Variants in CACNA2D1 observed in about 807,000 individuals in gnomAD.
CACNA2D1 encodes the protein voltage-dependent calcium channel subunit alpha-2/delta-1.
A neutral mutation model predicts 171.5 loss-of-function variants in CACNA2D1; 53 were observed. The observed-to-expected ratio is 0.31, with a 90% CI of 0.25 to 0.39. CACNA2D1 has a LOEUF of 0.39. Ranked by LOEUF, CACNA2D1 falls within the 10% of genes least tolerant of loss-of-function variation. CACNA2D1 has a pLI of 1.00. For missense variants in CACNA2D1, 903 were observed against 1,299.8 expected (o/e 0.69, Z 4.69); for synonymous variants, 442 against 443.1 (o/e 1.00, Z 0.03).
intron 38 of CACNA2D1, among the ~76,000 whole-genome samples, chr7:81,954,534 T>C (rs1792995143): frequency 6.6e-6 from 1 of 152,082 alleles, no homozygotes; most frequent in African/African-American, 2.4e-5. Context: ...GAAGTTACTG[T>C]TGCTAAACTC....
chr7:82,205,568 T>C (rs1234009227), intron 3 of CACNA2D1, among the ~76,000 whole-genome samples: 1 of 151,928 alleles, frequency 6.6e-6, no homozygotes, highest in Non-Finnish European at 1.5e-5. Flanking sequence ...AAAATTAGAA[T>C]ACACACACAC....
At chr7:81,969,063 T>C in intron 28 of CACNA2D1, 90 bp from the exon 29 acceptor site, 1 of 805,716 alleles carries the variant, frequency 1.2e-6, no homozygotes. Flanking sequence ...TGGATAGTAT[T>C]TTGCTTAAAA....
intron 3 of CACNA2D1, among the ~76,000 whole-genome samples, chr7:82,255,627 C>A (rs1022462639): frequency 6.6e-6 from 1 of 152,040 alleles, no homozygotes; most frequent in African/African-American, 2.4e-5. Context: ...TGTTTTTGAG[C>A]CTGGAATTAG....
intron 38 of CACNA2D1, among the ~76,000 whole-genome samples, chr7:81,957,955 AT>A (rs1451278410): frequency 2.0e-5 from 3 of 152,120 alleles, no homozygotes; most frequent in Non-Finnish European, 4.4e-5. Context: ...CAAATAGTTG[AT>A]GAGCGAAGTT....
At chr7:82,164,813 AT>A (rs201018113) in intron 4 of CACNA2D1, among the ~76,000 whole-genome samples, 40 of 130,596 alleles carry the variant, frequency 3.1e-4, no homozygotes, top group Non-Finnish European at 4.8e-4. Flanking sequence ...ATGCTTATGT[AT>A]TTTTTTCTTA....
intron 3 of CACNA2D1, among the ~76,000 whole-genome samples, chr7:82,172,848 A>T (rs111320122): frequency 2.7e-5 from 4 of 149,506 alleles, no homozygotes; most frequent in Admixed American, 6.6e-5. Flanking sequence ...CAAAAAAAAA[A>T]TTCTGGAACT....
chr7:82,145,890 GAAC>G, intron 4 of CACNA2D1, among the ~76,000 whole-genome samples: 1 of 137,556 alleles, frequency 7.3e-6, no homozygotes, highest in East Asian at 2.4e-4. Context: ...CTTACTGGAA[GAAC>G]AACAAAAAGC....
intron 10 of CACNA2D1, among the ~76,000 whole-genome samples, chr7:82,055,948 A>ATATAT (rs1554377773): frequency 7.6e-6 from 1 of 131,032 alleles, no homozygotes; most frequent in Non-Finnish European, 1.6e-5. Flanking sequence ...ATATATATAT[A>ATATAT]ATTTTTTAAA....
intron 38 of CACNA2D1, among the ~76,000 whole-genome samples, chr7:81,951,020 G>C (rs1368146076): frequency 6.6e-6 from 1 of 151,946 alleles, no homozygotes; most frequent in African/African-American, 2.4e-5. Context: ...CCTTCATCAA[G>C]AATTAAAGTA....
intron 3 of CACNA2D1, among the ~76,000 whole-genome samples, chr7:82,252,627 C>G (rs912901700): frequency 6.6e-6 from 1 of 152,316 alleles, no homozygotes; most frequent in Middle Eastern, 3.4e-3. Context: ...CGTGGTGGCT[C>G]ACGCCTGTAA....
At chr7:82,085,271 C>T (rs968561580) in intron 6 of CACNA2D1, among the ~76,000 whole-genome samples, 3 of 152,180 alleles carry the variant, frequency 2.0e-5, no homozygotes, top group African/African-American at 7.2e-5. Context: ...ATACTAGTAC[C>T]TCCCCACCCC....
At chr7:81,960,160 T>C (rs1189160558) in intron 36 of CACNA2D1, among the ~76,000 whole-genome samples, 1 of 152,092 alleles carries the variant, frequency 6.6e-6, no homozygotes, top group Non-Finnish European at 1.5e-5. Flanking sequence ...AGAATTGTGA[T>C]GCTTATGCCA....
rs1472392931 is a variant in CACNA2D1 at position 82,175,685 on chromosome 7, A to G, written c.295-5076T>C. Among the ~76,000 whole-genome samples the G allele has an allele frequency of 6.6e-5, 10 of 152,208 alleles. No individual in the cohort carries two copies. In the East Asian group the frequency reaches 1.9e-3, roughly 29 times the overall value. ...ATGAACATGCACTGGTAAATCAGACAGATCTGGTTTCCAATTCTGGTGCTG... is the reference window on the plus strand; with the variant it reads ...ATGAACATGCACTGGTAAATCAGACGGATCTGGTTTCCAATTCTGGTGCTG... On this transcript the variant is annotated intron_variant, in intron 3 of 38. Coordinates refer to ENST00000356860, the MANE Select transcript of CACNA2D1 (RefSeq NM_000722.4).
intron 21 of CACNA2D1, among the ~76,000 whole-genome samples, chr7:81,988,453 T>C (rs1449869279): frequency 2.0e-5 from 3 of 152,176 alleles, no homozygotes; most frequent in Non-Finnish European, 4.4e-5. Context: ...CTTCTGTCTA[T>C]TCTACATGCA....
At chr7:82,279,044 T>C (rs1809733798) in intron 3 of CACNA2D1, among the ~76,000 whole-genome samples, 1 of 152,198 alleles carries the variant, frequency 6.6e-6, no homozygotes, top group South Asian at 2.1e-4. Flanking sequence ...CAGCATTTCA[T>C]CCAAGGAAGC....
At chr7:82,070,130 C>T (rs1808146294) in intron 7 of CACNA2D1, among the ~76,000 whole-genome samples, 1 of 152,168 alleles carries the variant, frequency 6.6e-6, no homozygotes, top group Admixed American at 6.5e-5. Context: ...CAATTACTAT[C>T]ATCCCAGAAT....
chr7:82,120,195 C>CTG (rs113662503), intron 5 of CACNA2D1, among the ~76,000 whole-genome samples: 5 of 151,496 alleles, frequency 3.3e-5, no homozygotes, highest in Non-Finnish European at 7.4e-5. Context: ...GCACGTGTGT[C>CTG]TGTGTGTGTG....
At position 81,947,665 on chromosome 7, in the gene CACNA2D1, T is replaced by C. The variant is rs1173079652; in HGVS notation, c.*2727A>G. ...AGTTAAAGCAGTGTATAAACTTTTTTATTGATCTGTTGTACTGTTCAGTCG... is the reference window on the plus strand; with the variant it reads ...AGTTAAAGCAGTGTATAAACTTTTTCATTGATCTGTTGTACTGTTCAGTCG... On this transcript the variant is annotated 3_prime_UTR_variant, in exon 39 of 39. Coordinates refer to ENST00000356860, the MANE Select transcript of CACNA2D1 (RefSeq NM_000722.4). 6.6e-6 allele frequency: 1 copy of C among 152,010 alleles called. No individual in the cohort carries two copies. Among genetic ancestry groups the C allele is most frequent in the Non-Finnish European group, 1.5e-5 (1 of 67,884 alleles). The allele number at this position is 152,010 out of a possible 1,614,324, so 9.4% of individuals were successfully genotyped here. A position where few individuals can be genotyped will look rare whatever the true frequency, so the allele number is the denominator to read the frequency against.
intron 3 of CACNA2D1, among the ~76,000 whole-genome samples, chr7:82,186,247 G>GAAGA (rs1797751743): frequency 1.5e-5 from 1 of 68,214 alleles, no homozygotes; most frequent in Non-Finnish European, 3.6e-5. Flanking sequence ...AGGAAGGAAG[G>GAAGA]AAGGAAGAAA....
Sources: allele counts gnomAD v4.1 joint callset (sites outside exome capture counted in the v4.1 genomes callset), GRCh38; gene constraint gnomAD v4.1.1; transcripts MANE v1.5; gene names NCBI Gene and HGNC (gene_info 2026-07-23, HGNC 2026-07-21).